EFHB: variants seen among roughly 807,000 people sequenced by gnomAD.
EFHB encodes EF-hand domain family member B.
Under a neutral mutation model 87.2 loss-of-function variants are expected in EFHB, and 91 were observed. The ratio of observed to expected loss-of-function variants is 1.04; its 90% CI spans 0.88 to 1.24. The LOEUF (loss-of-function observed/expected upper bound fraction) is 1.24. Among genes scored for constraint, EFHB ranks in the 50% most tolerant of loss-of-function variants. EFHB has a pLI of 0.00. For synonymous variants in EFHB, 325 were observed against 333.6 expected (o/e 0.97, Z 0.28); for missense variants, 1,084 against 998.8 (o/e 1.09, Z -1.15).
upstream of EFHB, among the ~76,000 whole-genome samples, chr3:19,934,471 C>CCT (rs1695962099): frequency 6.6e-6 from 1 of 150,804 alleles, no homozygotes; most frequent in African/African-American, 2.4e-5. Flanking sequence ...GTCTCTCTCT[C>CCT]TTGCCTTTCC....
At chr3:19,936,684 A>G (rs994201583), upstream of EFHB, among the ~76,000 whole-genome samples, 1 of 152,104 alleles carries the variant, frequency 6.6e-6, no homozygotes, top group Admixed American at 6.6e-5. Context: ...CCTGACCAAC[A>G]TGGTGAAACC....
upstream of EFHB, among the ~76,000 whole-genome samples, chr3:19,936,836 C>CAT (rs761466477): frequency 2.9e-3 from 443 of 150,998 alleles, 1 homozygote; most frequent in Non-Finnish European, 5.1e-3. Context: ...CCATTGCACT[C>CAT]CAGCCTGGAT....
rs1322834560 is a variant in EFHB, at chr3:19,907,990, T to G, written c.1289-2241A>C. On this transcript the variant is annotated intron_variant, in intron 5 of 12. Transcript: ENST00000295824. ...ATTGGGCAGTAATTTGAGCTGACAG[T>G]TTGGCTCTAAAAGTAAAAATTTCTC... Among the ~76,000 whole-genome samples, 9 of 152,280 alleles carry G rather than the reference T, an allele frequency of 5.9e-5. No individual in the cohort carries two copies. The East Asian group carries it at 1.7e-3, about 29-fold the overall frequency.
Position 19,879,586 on chromosome 3 carries a change from CAG to C in EFHB, c.*43_*44del, listed in dbSNP as rs756161362. ...ATGGATTCAACATTTTAGATAAACA[CAG>C]AGTTAATAATTCTTTTGCTTGAATG... On this transcript the variant is annotated 3_prime_UTR_variant, in exon 13 of 13. Transcript: ENST00000295824. 1.2e-4 allele frequency: 173 copies of C among 1,500,858 alleles called. 1 individual carries two copies. The highest frequency in any genetic ancestry group is 1.8e-4 in the Middle Eastern group (1 of 5,584). 93.0% of individuals were successfully genotyped at this position (1,500,858 alleles called of 1,614,324 possible).
Position 19,912,156 on chromosome 3 carries a change from T to A in EFHB, c.1288+3147A>T, listed in dbSNP as rs879323774. On this transcript the variant is annotated intron_variant, in intron 5 of 12. Coordinates refer to ENST00000295824, the MANE Select transcript of EFHB (RefSeq NM_144715.4). ...AAGACTACCTCAAGACATTGAATAA[T>A]CCAACTCCCAAAGGTCAAGGATGAA... Among the ~76,000 whole-genome samples, 8 of 152,048 alleles carry A rather than the reference T, an allele frequency of 5.3e-5. No homozygotes were observed. In the East Asian group the frequency reaches 1.6e-3, roughly 29 times the overall value.
In EFHB at chr3:19,905,628, T is replaced by G; in HGVS notation, c.1410A>C (p.Glu470Asp). 1 of 1,613,426 alleles carries G rather than the reference T, an allele frequency of 6.2e-7. No homozygotes were observed. The highest frequency in any genetic ancestry group is 8.5e-7 in the Non-Finnish European group (1 of 1,179,536). ...AGTATAATTAAACTTACATTTGTAGTTCATGGAGCCAATATAGAGATTTTG... is the reference window on the plus strand; with the variant it reads ...AGTATAATTAAACTTACATTTGTAGGTCATGGAGCCAATATAGAGATTTTG... ...AMAKSLYWLH[E>D]LQMKRGAKFV... Residue 470 changes from glutamate (E) to aspartate (D), a missense_variant, in exon 6 of 13, where the codon GAA (glutamate) becomes GAC (aspartate). By Grantham distance (45) the Glu-to-Asp change is conservative. Coordinates refer to ENST00000295824, the MANE Select transcript of EFHB (RefSeq NM_144715.4).
chr3:19,911,286 G>T lies in EFHB; in HGVS notation c.1288+4017C>A, dbSNP rs1695053284. ...TTAAAAAGAATCAAGCAAAGGCCAG[G>T]CGTGGTAGCTCACACCTGTAATCTG... On this transcript the variant is annotated intron_variant, in intron 5 of 12. Coordinates refer to ENST00000295824, the MANE Select transcript of EFHB (RefSeq NM_144715.4). Among the ~76,000 whole-genome samples the T allele has an allele frequency of 1.3e-5, 2 of 152,134 alleles. 1 individual carries two copies. Among genetic ancestry groups the T allele is most frequent in the South Asian group, 4.1e-4 (2 of 4,836 alleles).
At chr3:19,937,064 G>A (rs1018323048), upstream of EFHB, among the ~76,000 whole-genome samples, 1 of 151,564 alleles carries the variant, frequency 6.6e-6, no homozygotes, top group East Asian at 1.9e-4. Flanking sequence ...AGCTACTCGG[G>A]AGGCTGAGGC....
chr3:19,938,500 G>C (rs1291064654), upstream of EFHB, among the ~76,000 whole-genome samples: 1 of 152,162 alleles, frequency 6.6e-6, no homozygotes, highest in Admixed American at 6.5e-5. Flanking sequence ...AATGCTAATT[G>C]TAGAATCTGG....
In EFHB at chr3:19,933,545, C is replaced by T. The variant is rs1695907419; in HGVS notation, c.474G>A (p.Val158=). The change falls in exon 1 of 13, where the codon GTG becomes GTA. Residue 158 remains valine (V), a synonymous_variant. Transcript: ENST00000295824. ...GTTCCATAACGAAAGCAGGCTTTCCCACTAATTCCTCTACCCCTTCAGGGC... is the reference window on the plus strand; with the variant it reads ...GTTCCATAACGAAAGCAGGCTTTCCTACTAATTCCTCTACCCCTTCAGGGC... ...ASGPEGVEEL[V]GKPAFVMEPR... The T allele has an allele frequency of 6.2e-7, 1 of 1,613,866 alleles. No individual in the cohort carries two copies. The highest frequency in any genetic ancestry group is 1.1e-5 in the South Asian group (1 of 91,084).
At chr3:19,892,193 C>T (rs80296850) in intron 9 of EFHB, among the ~76,000 whole-genome samples, 2,978 of 152,196 alleles carry the variant, frequency 0.02, 96 homozygotes, top group African/African-American at 0.069. Flanking sequence ...TGGGGTGCAC[C>T]CTATAGCACA....
rs575283135 is a variant in EFHB at position 19,895,416 on chromosome 3, G to A, written c.1725+1271C>T. Among the ~76,000 whole-genome samples the A allele has an allele frequency of 1.3e-4, 19 of 151,688 alleles. No homozygotes were observed. The South Asian group carries it at 4.0e-3, about 32-fold the overall frequency. ...GAATGGCGTGAACCCGGGAGGCGGAGCTTGCAGTGAGCCGAGATGGCGCCA... is the reference window on the plus strand; with the variant it reads ...GAATGGCGTGAACCCGGGAGGCGGAACTTGCAGTGAGCCGAGATGGCGCCA... On this transcript the variant is annotated intron_variant, in intron 9 of 12. Coordinates refer to ENST00000295824, the MANE Select transcript of EFHB (RefSeq NM_144715.4).
intron 1 of EFHB, among the ~76,000 whole-genome samples, chr3:19,943,945 T>C (rs1338881610): frequency 6.6e-6 from 1 of 152,264 alleles, no homozygotes; most frequent in Non-Finnish European, 1.5e-5. Flanking sequence ...GACAACAGAC[T>C]ACTTCGATAT....
intron 7 of EFHB, 43 bp from the exon 8 acceptor site, chr3:19,898,888 G>A (rs1333929061): frequency 3.8e-6 from 6 of 1,575,772 alleles, no homozygotes; most frequent in Non-Finnish European, 5.2e-6. Context: ...CCCACCACAT[G>A]GCATCTCTGG....
intron 9 of EFHB, among the ~76,000 whole-genome samples, chr3:19,895,747 G>A (rs909846200): frequency 5.3e-5 from 8 of 152,136 alleles, no homozygotes; most frequent in African/African-American, 1.7e-4. Context: ...ATACTTAGAT[G>A]AAGTGCAATT....
chr3:19,944,185 T>C (rs142547520), intron 1 of EFHB, among the ~76,000 whole-genome samples: 21 of 152,318 alleles, frequency 1.4e-4, no homozygotes, highest in Admixed American at 1.3e-3. Flanking sequence ...TAAAAGTAAA[T>C]GTAACCATTC....
intron 5 of EFHB, among the ~76,000 whole-genome samples, chr3:19,906,558 A>T: frequency 6.6e-6 from 1 of 152,210 alleles, no homozygotes; most frequent in Non-Finnish European, 1.5e-5. Flanking sequence ...ATTGAAGAGG[A>T]CACAAATAAA....
intron 6 of EFHB, among the ~76,000 whole-genome samples, chr3:19,899,978 T>C (rs913978735): frequency 2.6e-5 from 4 of 151,998 alleles, no homozygotes; most frequent in African/African-American, 9.7e-5. Flanking sequence ...GAGGCTGAGC[T>C]AGGAAGATCG....
rs376939890 is a variant in EFHB at position 19,897,279 on chromosome 3, C to T, written c.1571-438G>A. 2.3e-4 allele frequency among the ~76,000 whole-genome samples: 35 copies of T among 152,342 alleles called. 1 individual carries two copies. In the South Asian group the frequency reaches 2.9e-3, roughly 13 times the overall value. On this transcript the variant is annotated intron_variant, in intron 8 of 12. Coordinates refer to ENST00000295824, the MANE Select transcript of EFHB (RefSeq NM_144715.4). Reference sequence around the variant, plus strand: ...AGCCTTGTAAAAATTAAATTATCTACCCTCTCCTATGTGAGTTTCCAGTTG... The same window carrying T: ...AGCCTTGTAAAAATTAAATTATCTATCCTCTCCTATGTGAGTTTCCAGTTG...
Sources: allele counts gnomAD v4.1 joint callset (sites outside exome capture counted in the v4.1 genomes callset), GRCh38; gene constraint gnomAD v4.1.1; transcripts MANE v1.5; gene names NCBI Gene and HGNC (gene_info 2026-07-23, HGNC 2026-07-21).